Variants in PANK2 observed in about 807,000 individuals in gnomAD.
PANK2 encodes pantothenate kinase 2.
PANK2 carries 36 observed loss-of-function variants against 43.1 expected under a neutral mutation model. That is an observed-to-expected ratio of 0.84 (90% CI 0.64 to 1.10). PANK2 has a LOEUF of 1.10. PANK2 is among the 50% of genes least tolerant of loss of function. The pLI is 0.00. For synonymous variants in PANK2, 281 were observed against 238.2 expected (o/e 1.18, Z -1.66); for missense variants, 576 against 593.3 (o/e 0.97, Z 0.30).
intron 2 of PANK2, among the ~76,000 whole-genome samples, chr20:3,909,849 C>T (rs1053877606): frequency 4.6e-5 from 7 of 152,118 alleles, no homozygotes; most frequent in African/African-American, 1.7e-4. Context: ...GTCTCAGCCT[C>T]CCAAAGTGCT....
intron 1 of PANK2, among the ~76,000 whole-genome samples, chr20:3,893,014 A>G (rs2090149075): frequency 6.6e-6 from 1 of 152,216 alleles, no homozygotes. Context: ...ATGGAAACCA[A>G]GACGCTAATG....
intron 6 of PANK2, among the ~76,000 whole-genome samples, chr20:3,920,787 G>A (rs1429301847): frequency 6.6e-6 from 1 of 152,156 alleles, no homozygotes; most frequent in African/African-American, 2.4e-5. Flanking sequence ...AGAGGTTGCG[G>A]TGAGCCGAGA....
chr20:3,922,653 C>T (rs1036570947), intron 6 of PANK2, among the ~76,000 whole-genome samples: 7 of 152,010 alleles, frequency 4.6e-5, no homozygotes, highest in African/African-American at 7.2e-5. Context: ...ACTCACCCAC[C>T]GGCCTTGCTC....
In PANK2 at chr20:3,926,727, G is replaced by T. The variant is rs1023660294; in HGVS notation, c.*3433G>T. On this transcript the variant is annotated 3_prime_UTR_variant, in exon 7 of 7. Transcript: ENST00000610179. ...GGCCAAGGCGGGTGGATCACCTGAGGTCAGGAGTTCAAGACCAGCCTGGAC... is the reference window on the plus strand; with the variant it reads ...GGCCAAGGCGGGTGGATCACCTGAGTTCAGGAGTTCAAGACCAGCCTGGAC... The T allele has an allele frequency of 2.0e-5, 3 of 152,270 alleles. No individual in the cohort carries two copies. Among genetic ancestry groups the T allele is most frequent in the Non-Finnish European group, 4.4e-5 (3 of 68,238 alleles). 9.4% of individuals were successfully genotyped at this position (152,270 alleles called of 1,614,324 possible).
Position 3,917,065 on chromosome 20 carries a change from A to T in PANK2, c.1206+15A>T. 1 of 1,613,896 alleles carries T rather than the reference A, an allele frequency of 6.2e-7. No individual in the cohort carries two copies. Among genetic ancestry groups the T allele is most frequent in the Non-Finnish European group, 8.5e-7 (1 of 1,179,850 alleles). On this transcript the variant is annotated intron_variant, in intron 5 of 6. Coordinates refer to ENST00000610179, the MANE Select transcript of PANK2 (RefSeq NM_001386393.1). ...CCCTTAATGAAGTAAGGGGACATGGATTTCTTTAATTGCTCTAAGGAAAAT... is the reference window on the plus strand; with the variant it reads ...CCCTTAATGAAGTAAGGGGACATGGTTTTCTTTAATTGCTCTAAGGAAAAT...
At chr20:3,913,481 T>C (rs1189323169) in intron 4 of PANK2, among the ~76,000 whole-genome samples, 1 of 151,584 alleles carries the variant, frequency 6.6e-6, no homozygotes, top group Non-Finnish European at 1.5e-5. Context: ...GTAGCTGGGA[T>C]TACAGGCATG....
At chr20:3,918,902 T>C in intron 6 of PANK2, 106 bp downstream of exon 6, 2 of 1,580,342 alleles carry the variant, frequency 1.3e-6, no homozygotes, top group Non-Finnish European at 1.7e-6. Context: ...GCTGCAGTGT[T>C]TCTTTTGTTT....
chr20:3,907,603 A>T (rs564742448), intron 1 of PANK2, among the ~76,000 whole-genome samples: 1 of 152,096 alleles, frequency 6.6e-6, no homozygotes, highest in African/African-American at 2.4e-5. Context: ...TTCATTCTGA[A>T]TCTTTGTTTT....
Position 3,908,060 on chromosome 20 carries a change from A to C in PANK2, c.433A>C (p.Asn145His), listed in dbSNP as rs1226308891. The change falls in exon 2 of 7, where the codon AAT becomes CAT. Residue 145 changes from asparagine to histidine, a missense_variant. Coordinates refer to ENST00000610179, the MANE Select transcript of PANK2 (RefSeq NM_001386393.1). ...AAGCATTCGGAAGTACCTGACCTCC[A>C]ATGTGGCTTATGGGTCTACAGGCAT... 1.9e-6 allele frequency: 3 copies of C among 1,614,198 alleles called. No individual in the cohort carries two copies. Among genetic ancestry groups the C allele is most frequent in the South Asian group, 2.2e-5 (2 of 91,088 alleles).
upstream of PANK2, chr20:3,888,960 G>A: frequency 1.6e-6 from 1 of 638,872 alleles, no homozygotes; most frequent in East Asian, 2.9e-5. Context: ...AGACGCTGCG[G>A]GAGCACTGCT....
chr20:3,919,180 A>C (rs1257717338), intron 6 of PANK2, among the ~76,000 whole-genome samples: 1 of 152,190 alleles, frequency 6.6e-6, no homozygotes, highest in Non-Finnish European at 1.5e-5. Context: ...CCAAAGTTCC[A>C]GGATTACAGG....
intron 4 of PANK2, among the ~76,000 whole-genome samples, chr20:3,913,654 C>T (rs751310729): frequency 3.6e-4 from 55 of 151,224 alleles, no homozygotes; most frequent in African/African-American, 1.0e-3. Flanking sequence ...TATTTCATTA[C>T]GTGGATAATA....
In PANK2 at chr20:3,889,398, A is replaced by C; in HGVS notation, c.-33A>C. ...GAGGGCGCGCCTCTGCTCTGGCTGGACTGCCGCGGAGGAGGCGAGAAGGAA... is the reference window on the plus strand; with the variant it reads ...GAGGGCGCGCCTCTGCTCTGGCTGGCCTGCCGCGGAGGAGGCGAGAAGGAA... On this transcript the variant is annotated 5_prime_UTR_variant, in exon 1 of 7. Transcript: ENST00000610179. The C allele has an allele frequency of 6.4e-7, 1 of 1,573,124 alleles. No homozygotes were observed. Among genetic ancestry groups the C allele is most frequent in the Non-Finnish European group, 8.6e-7 (1 of 1,161,716 alleles).
chr20:3,920,389 G>A (rs181960940), intron 6 of PANK2, among the ~76,000 whole-genome samples: 109 of 152,070 alleles, frequency 7.2e-4, no homozygotes, highest in African/African-American at 2.6e-3. Flanking sequence ...AATGGCGGGC[G>A]CCTATAATCC....
In PANK2 at chr20:3,890,246, G is replaced by A. The variant is rs71647832; in HGVS notation, c.298+518G>A. On this transcript the variant is annotated intron_variant, in intron 1 of 6. Coordinates refer to ENST00000610179, the MANE Select transcript of PANK2 (RefSeq NM_001386393.1). ...CTGTATTCCGTGCACCTCTAAGGTGGCTGCCCTTCTTCTCGTGAGAATCCA... is the reference window on the plus strand; with the variant it reads ...CTGTATTCCGTGCACCTCTAAGGTGACTGCCCTTCTTCTCGTGAGAATCCA... Among the ~76,000 whole-genome samples the A allele has an allele frequency of 6.6e-4, 100 of 152,288 alleles. 2 individuals are homozygous for A. The East Asian group carries it at 0.019, about 29-fold the overall frequency.
Position 3,908,133 on chromosome 20 carries a change from A to G in PANK2, c.506A>G (p.Lys169Arg), listed in dbSNP as rs975735144. The G allele has an allele frequency of 3.1e-6, 5 of 1,614,062 alleles. No homozygotes were observed. Among genetic ancestry groups the G allele is most frequent in the Non-Finnish European group, 4.2e-6 (5 of 1,180,018 alleles). Reference sequence around the variant, plus strand: ...AAGGACCTGACTCTGTGTGGACGCAAAGGCAATCTGCACTTTATACGCTTT... The same window carrying G: ...AAGGACCTGACTCTGTGTGGACGCAGAGGCAATCTGCACTTTATACGCTTT... The change falls in exon 2 of 7, where the codon AAA becomes AGA. Residue 169 changes from lysine to arginine, a missense_variant. Lys to Arg is a conservative substitution (Grantham distance 26). Coordinates refer to ENST00000610179, the MANE Select transcript of PANK2 (RefSeq NM_001386393.1).
Position 3,910,798 on chromosome 20 carries a change from C to G in PANK2, c.873C>G (p.Ser291=). Residue 291 remains serine, a synonymous_variant, in exon 3 of 7, where the codon TCC becomes TCG. Coordinates refer to ENST00000610179, the MANE Select transcript of PANK2 (RefSeq NM_001386393.1). ...GGGTTAGCATCTTAGCAGTATATTCCAAAGATAATTACAAACGGGTCACAG... is the reference window on the plus strand; with the variant it reads ...GGGTTAGCATCTTAGCAGTATATTCGAAAGATAATTACAAACGGGTCACAG... 2.5e-6 allele frequency: 4 copies of G among 1,614,030 alleles called. No homozygotes were observed. In the South Asian group the frequency reaches 3.3e-5, roughly 13 times the overall value.
At position 3,923,529 on chromosome 20, in the gene PANK2, G is replaced by A; in HGVS notation, c.*235G>A. On this transcript the variant is annotated 3_prime_UTR_variant, in exon 7 of 7. Coordinates refer to ENST00000610179, the MANE Select transcript of PANK2 (RefSeq NM_001386393.1). ...AGTGGCACATGTCCAGGCAGTGTGA[G>A]GATTTGCTGTATATAAGTTGCCTGC... 1.7e-6 allele frequency: 1 copy of A among 577,882 alleles called. No homozygotes were observed. Among genetic ancestry groups the A allele is most frequent in the Non-Finnish European group, 3.1e-6 (1 of 325,270 alleles). 35.8% of individuals were successfully genotyped at this position (577,882 alleles called of 1,614,324 possible).
intron 1 of PANK2, among the ~76,000 whole-genome samples, chr20:3,900,021 A>C (rs1053058793): frequency 6.6e-6 from 1 of 150,384 alleles, no homozygotes; most frequent in African/African-American, 2.4e-5. Context: ...TGTACTTTTT[A>C]TGCACATGAG....
Sources: gnomAD v4.1 joint callset for allele counts (sites outside exome capture counted in the v4.1 genomes callset) on GRCh38, gnomAD v4.1.1 for gene constraint, MANE v1.5 for transcripts, NCBI Gene and HGNC (gene_info 2026-07-23, HGNC 2026-07-21) for gene names.